Variants in TMEM150B observed in about 807,000 individuals in gnomAD.
TMEM150B encodes the protein transmembrane protein 150B.
In TMEM150B, 33 loss-of-function variants were observed where a neutral mutation model predicts 25.2. The ratio of observed to expected loss-of-function variants is 1.31; its 90% confidence interval spans 0.99 to 1.75. The LOEUF (loss-of-function observed/expected upper bound fraction) is 1.75. TMEM150B is among the 40% of genes most tolerant of loss of function. The pLI, the probability that TMEM150B is intolerant of heterozygous loss-of-function variation, is 0.00. For synonymous variants in TMEM150B, 133 were observed against 134.8 expected (o/e 0.99, Z 0.09); for missense variants, 322 against 306.1 (o/e 1.05, Z -0.39).
chr19:55,312,166 G>A (rs553093033), downstream of TMEM150B: 4 of 581,990 alleles, frequency 6.9e-6, no homozygotes, highest in Admixed American at 7.4e-5. Flanking sequence ...ATGTCGGGAG[G>A]GGGGTGGACA....
intron 6 of TMEM150B, among the ~76,000 whole-genome samples, chr19:55,317,276 G>C (rs1600221249): frequency 6.6e-6 from 1 of 152,166 alleles, no homozygotes; most frequent in Non-Finnish European, 1.5e-5. Context: ...TGGTCTTGCA[G>C]GTGAAAAATT....
In TMEM150B at chr19:55,316,808, G is replaced by A. The variant is rs1388559300; in HGVS notation, c.483C>T (p.Val161=). 1.3e-6 allele frequency: 2 copies of A among 1,561,706 alleles called. No homozygotes were observed. Among genetic ancestry groups the A allele is most frequent in the Non-Finnish European group, 1.7e-6 (2 of 1,161,280 alleles). ...IGPLRLGLCS[V]CTILIVAMIV... is the part of the protein sequence containing the mutation. Reference sequence around the variant, plus strand: ...TACTGGCCACAATGAGGATGGTGCAGACGCTGCAGAGGCCCAGGCGGAGGG... The same window carrying A: ...TACTGGCCACAATGAGGATGGTGCAAACGCTGCAGAGGCCCAGGCGGAGGG... Residue 161 remains valine (V), a synonymous_variant, in exon 7 of 8, where the codon GTC becomes GTT. Transcript: ENST00000326652.
At chr19:55,314,917 T>A (rs551496313) in intron 7 of TMEM150B, among the ~76,000 whole-genome samples, 1 of 152,328 alleles carries the variant, frequency 6.6e-6, no homozygotes, top group Non-Finnish European at 1.5e-5. Context: ...CTGTACTCTC[T>A]TCTGAATGCC....
At chr19:55,312,443 C>T (rs560400837), downstream of TMEM150B, 1 of 186,528 alleles carries the variant, frequency 5.4e-6, no homozygotes, top group African/African-American at 2.4e-5. Flanking sequence ...TGGTCCTCCC[C>T]CCACGACCTT....
Position 55,313,121 on chromosome 19 carries a change from C to T in TMEM150B, c.506-66G>A, listed in dbSNP as rs542259500. Reference sequence around the variant, plus strand: ...GCGGAGCCCGGCCTGGTCTCTGTGCCGCCTCGCGCTGGGCGGAGGCCGTCT... The same window carrying T: ...GCGGAGCCCGGCCTGGTCTCTGTGCTGCCTCGCGCTGGGCGGAGGCCGTCT... On this transcript the variant is annotated intron_variant, in intron 7 of 7. Transcript: ENST00000326652. The T allele has an allele frequency of 8.6e-5, 128 of 1,494,956 alleles. No homozygotes were observed. The South Asian group carries it at 1.1e-3, about 13-fold the overall frequency. 92.6% of individuals were successfully genotyped at this position (1,494,956 alleles called of 1,614,324 possible). A position where few individuals can be genotyped will look rare whatever the true frequency, so the allele number is the denominator to read the frequency against.
intron 2 of TMEM150B, among the ~76,000 whole-genome samples, chr19:55,321,493 G>A (rs140607133): frequency 1.3e-5 from 2 of 152,074 alleles, no homozygotes; most frequent in Non-Finnish European, 2.9e-5. Flanking sequence ...CAGCTGGAGC[G>A]CTGGAGGGCT....
chr19:55,323,558 A>C (rs554843764), intron 1 of TMEM150B, among the ~76,000 whole-genome samples: 15 of 149,534 alleles, frequency 1.0e-4, no homozygotes, highest in African/African-American at 3.2e-4. Flanking sequence ...ATTGGAGTGC[A>C]GTGGCGCAAT....
At chr19:55,319,849 C>CTGA in intron 6 of TMEM150B, 190 bp downstream of exon 6, 1 of 1,421,634 alleles carries the variant, frequency 7.0e-7, no homozygotes, top group African/African-American at 1.4e-5. Flanking sequence ...CAGCCTCGCT[C>CTGA]GTAGTGCCCC....
chr19:55,317,237 A>C (rs1170421011), intron 6 of TMEM150B, among the ~76,000 whole-genome samples: 1 of 152,244 alleles, frequency 6.6e-6, no homozygotes, highest in African/African-American at 2.4e-5. Flanking sequence ...TGCATTCTCA[A>C]GGCGGGGGAC....
downstream of TMEM150B, among the ~76,000 whole-genome samples, chr19:55,310,549 A>G (rs1195880364): frequency 6.6e-6 from 1 of 151,578 alleles, no homozygotes; most frequent in Non-Finnish European, 1.5e-5. The surrounding 1 kb of genome is among the most constrained non-coding windows in gnomAD (Gnocchi z 5.0). Flanking sequence ...GCCTAGCCCA[A>G]CCCCCTAGGG....
Position 55,322,675 on chromosome 19 carries a change from C to CCTGGAG in TMEM150B, c.-91_-86dup. ...CTCCAAGCTTCCTGGGGCTCTCAGTCCTGGAGCTGGGGCTGGGTGAGCTCA... is the reference window on the plus strand; with the variant it reads ...CTCCAAGCTTCCTGGGGCTCTCAGTCCTGGAGCTGGAGCTGGGGCTGGGTGAGCTCA... On this transcript the variant is annotated 5_prime_UTR_variant, in exon 2 of 8. Transcript: ENST00000326652. The CCTGGAG allele has an allele frequency of 1.0e-6, 1 of 985,314 alleles. No individual in the cohort carries two copies. Among genetic ancestry groups the CCTGGAG allele is most frequent in the Non-Finnish European group, 1.2e-6 (1 of 829,976 alleles). The allele number at this position is 985,314 out of a possible 1,614,324, so 61.0% of individuals were successfully genotyped here.
intron 2 of TMEM150B, among the ~76,000 whole-genome samples, chr19:55,321,669 C>T (rs1232717069): frequency 6.6e-6 from 1 of 152,170 alleles, no homozygotes; most frequent in Non-Finnish European, 1.5e-5. Flanking sequence ...GCCCTTCCCT[C>T]CCCAGGAACC....
rs375066257 is a variant in TMEM150B, at chr19:55,316,907, G to C, written c.384C>G (p.Asn128Lys). ...AGAFLAFILGNVYFWLQLLLW... is the reference protein window; with the variant it reads ...AGAFLAFILGKVYFWLQLLLW... ...GGAGGAGCTGCAGCCAGAAGTAGACGTTACCCAAGATGAAGGCAAGGAAGG... is the reference window on the plus strand; with the variant it reads ...GGAGGAGCTGCAGCCAGAAGTAGACCTTACCCAAGATGAAGGCAAGGAAGG... The change falls in exon 7 of 8, where the codon AAC becomes AAG. Residue 128 changes from asparagine to lysine, a missense_variant. Physicochemically the swap from Asn to Lys is moderately conservative, Grantham distance 94. Coordinates refer to ENST00000326652, the MANE Select transcript of TMEM150B (RefSeq NM_001282011.2). The C allele has an allele frequency of 8.7e-6, 14 of 1,607,556 alleles. No individual in the cohort carries two copies. Among genetic ancestry groups the C allele is most frequent in the African/African-American group, 1.3e-5 (1 of 74,624 alleles).
chr19:55,319,635 G>A (rs1251444526), intron 6 of TMEM150B: 3 of 522,608 alleles, frequency 5.7e-6, no homozygotes, highest in Non-Finnish European at 7.5e-6. Flanking sequence ...TAGGAGAGAC[G>A]GGGTTTCACC....
chr19:55,320,190 G>GT, intron 5 of TMEM150B, 24 bp from the exon 6 acceptor site: 1 of 1,610,990 alleles, frequency 6.2e-7, no homozygotes, highest in Non-Finnish European at 8.5e-7. Context: ...GGAGAAGGAA[G>GT]TGGGAGGGAG....
downstream of TMEM150B, chr19:55,311,847 C>T (rs1378735431): frequency 4.5e-6 from 7 of 1,561,006 alleles, no homozygotes; most frequent in Middle Eastern, 1.7e-4. Flanking sequence ...GCCCCCATCC[C>T]CTGGTAATGG....
intron 6 of TMEM150B, among the ~76,000 whole-genome samples, chr19:55,318,232 G>A (rs1287417823): frequency 6.6e-6 from 1 of 150,726 alleles, no homozygotes; most frequent in East Asian, 2.0e-4. Flanking sequence ...GTGGTGGTGA[G>A]CGCCTGTAAT....
intron 6 of TMEM150B, chr19:55,319,353 T>G (rs2123103081): frequency 6.7e-6 from 1 of 150,272 alleles, no homozygotes; most frequent in African/African-American, 2.4e-5. Context: ...CCTCAGGTGA[T>G]CCACCTACCT....
chr19:55,319,107 T>TTTTTC (rs1429027874), intron 6 of TMEM150B, among the ~76,000 whole-genome samples: 3 of 151,794 alleles, frequency 2.0e-5, no homozygotes, highest in Admixed American at 6.6e-5. Context: ...ACTAATTTCT[T>TTTTTC]TTTTCTTTTC....
Sources: allele counts gnomAD v4.1 joint callset (sites outside exome capture counted in the v4.1 genomes callset), GRCh38; gene constraint gnomAD v4.1.1; non-coding constraint Gnocchi (gnomAD v3.1); transcripts MANE v1.5; gene names NCBI Gene and HGNC (gene_info 2026-07-23, HGNC 2026-07-21).